Variants in MALRD1 observed in about 807,000 individuals in gnomAD.
The protein encoded by MALRD1 is MAM and LDL receptor class A domain containing 1.
MALRD1 carries 247 observed loss-of-function variants against 242.1 expected under a neutral mutation model. The observed-to-expected ratio is 1.02, with a 90% CI of 0.92 to 1.13. MALRD1 has a LOEUF of 1.13. Ranked by LOEUF, MALRD1 falls within the 50% of genes most tolerant of loss-of-function variation. MALRD1 has a pLI of 0.00. For synonymous variants in MALRD1, 995 were observed against 866.6 expected, an observed-to-expected ratio of 1.15 and a Z score of -2.60; for missense variants, 2,989 against 2,533.1, an observed-to-expected ratio of 1.18 and a Z score of -3.86.
intron 19 of MALRD1, among the ~76,000 whole-genome samples, chr10:19,264,714 A>G (rs1401842118): frequency 6.6e-6 from 1 of 152,096 alleles, no homozygotes; most frequent in Non-Finnish European, 1.5e-5. Flanking sequence ...CGGCCTCTCA[A>G]AGTGCTGGGA....
intron 18 of MALRD1, among the ~76,000 whole-genome samples, chr10:19,210,256 A>T (rs1836991211): frequency 6.6e-6 from 1 of 152,158 alleles, no homozygotes; most frequent in Admixed American, 6.6e-5. Context: ...AGTTTTGTAA[A>T]GGAATTTTAT....
intron 32 of MALRD1, among the ~76,000 whole-genome samples, chr10:19,548,086 C>T (rs1319748857): frequency 4.1e-5 from 6 of 147,500 alleles, no homozygotes; most frequent in Non-Finnish European, 6.0e-5. Flanking sequence ...CTGCAACCTC[C>T]ACCTCCCAGT....
At chr10:19,053,649 AG>A in intron 1 of MALRD1, among the ~76,000 whole-genome samples, 1 of 152,288 alleles carries the variant, frequency 6.6e-6, no homozygotes. Context: ...GCAACTATCA[AG>A]TCTGAAAAGC....
intron 14 of MALRD1, among the ~76,000 whole-genome samples, chr10:19,191,333 A>G (rs1230694587): frequency 6.6e-6 from 1 of 152,176 alleles, no homozygotes; most frequent in Non-Finnish European, 1.5e-5. Context: ...CAAAAAACCA[A>G]TCCAGAAGTT....
chr10:19,541,573 T>G (rs1222634028), intron 32 of MALRD1, among the ~76,000 whole-genome samples: 1 of 152,200 alleles, frequency 6.6e-6, no homozygotes, highest in Non-Finnish European at 1.5e-5. Context: ...TAAGAATAGA[T>G]TCAAGTTTCT....
At chr10:19,303,416 A>T (rs538436156) in intron 21 of MALRD1, among the ~76,000 whole-genome samples, 7 of 151,780 alleles carry the variant, frequency 4.6e-5, no homozygotes, top group South Asian at 4.1e-4. Flanking sequence ...GAAATCACAG[A>T]TATAAATAGA....
rs573218217 is a variant in MALRD1 at position 19,116,353 on chromosome 10, A to G, written c.695-7139A>G. Among the ~76,000 whole-genome samples the G allele has an allele frequency of 2.3e-4, 35 of 152,338 alleles. 1 individual carries two copies. The South Asian group carries it at 5.8e-3, about 25-fold the overall frequency. ...ATTTGTAAAGCCCTCAAATATACCAATCATCCCTTTATTAGAATCTGAATG... is the reference window on the plus strand; with the variant it reads ...ATTTGTAAAGCCCTCAAATATACCAGTCATCCCTTTATTAGAATCTGAATG... On this transcript the variant is annotated intron_variant, in intron 5 of 39. Coordinates refer to ENST00000454679, the MANE Select transcript of MALRD1 (RefSeq NM_001142308.3).
At chr10:19,122,924 C>T (rs964268630) in intron 5 of MALRD1, among the ~76,000 whole-genome samples, 3 of 152,134 alleles carry the variant, frequency 2.0e-5, no homozygotes, top group South Asian at 2.1e-4. Flanking sequence ...CGGGGTTTCA[C>T]CATGTTGGCC....
At chr10:19,188,142 A>G (rs1048224734) in intron 14 of MALRD1, among the ~76,000 whole-genome samples, 2 of 152,148 alleles carry the variant, frequency 1.3e-5, no homozygotes, top group Non-Finnish European at 2.9e-5. Context: ...GAAGACTTGC[A>G]AGATCTGACT....
chr10:19,145,929 C>T lies in MALRD1; in HGVS notation c.1412-269C>T, dbSNP rs1286848020. Among the ~76,000 whole-genome samples, 4 of 152,002 alleles carry T rather than the reference C, an allele frequency of 2.6e-5. No individual in the cohort carries two copies. In the South Asian group the frequency reaches 6.2e-4, roughly 24 times the overall value. On this transcript the variant is annotated intron_variant, in intron 10 of 39. Coordinates refer to ENST00000454679, the MANE Select transcript of MALRD1 (RefSeq NM_001142308.3). ...CTCCCTGAGAAGCTTTGGAGTTCCA[C>T]CTTGCATCATTAAATAAAATGGAGA...
At chr10:19,524,489 A>G (rs2131326779) in intron 31 of MALRD1, among the ~76,000 whole-genome samples, 1 of 152,202 alleles carries the variant, frequency 6.6e-6, no homozygotes, top group Non-Finnish European at 1.5e-5. Context: ...TTGCAGATGC[A>G]CGTTGGAAAT....
chr10:19,241,596 G>T (rs917215953), intron 18 of MALRD1, among the ~76,000 whole-genome samples: 1 of 151,800 alleles, frequency 6.6e-6, no homozygotes, highest in Non-Finnish European at 1.5e-5. Flanking sequence ...TACCAATTTT[G>T]GGATTAGTTT....
chr10:19,671,428 AC>A (rs1284418180), intron 36 of MALRD1, among the ~76,000 whole-genome samples: 2 of 152,098 alleles, frequency 1.3e-5, no homozygotes, highest in Non-Finnish European at 2.9e-5. Context: ...GACCAGCCCG[AC>A]CAACATGGCA....
chr10:19,171,595 TATAA>T (rs1834948783), intron 13 of MALRD1, among the ~76,000 whole-genome samples: 2 of 133,018 alleles, frequency 1.5e-5, no homozygotes, highest in Non-Finnish European at 1.6e-5. Flanking sequence ...TATGTGTGTA[TATAA>T]ATACACACAC....
At chr10:19,385,445 C>G (rs1054930873) in intron 26 of MALRD1, among the ~76,000 whole-genome samples, 20 of 152,060 alleles carry the variant, frequency 1.3e-4, no homozygotes, top group African/African-American at 4.6e-4. Context: ...TTCAGATTTT[C>G]TGTTTCTTAT....
chr10:19,512,178 G>C (rs779790028), intron 31 of MALRD1, among the ~76,000 whole-genome samples: 16 of 152,246 alleles, frequency 1.1e-4, no homozygotes, highest in African/African-American at 3.9e-4. Context: ...CATGAAAAAT[G>C]TGGTTATCAT....
At chr10:19,324,684 A>G (rs1009934595) in intron 22 of MALRD1, among the ~76,000 whole-genome samples, 2 of 151,820 alleles carry the variant, frequency 1.3e-5, no homozygotes, top group African/African-American at 4.8e-5. Context: ...TATTATACCA[A>G]GTTATTTCTT....
At chr10:19,684,488 G>T (rs950825795) in intron 36 of MALRD1, among the ~76,000 whole-genome samples, 4 of 152,172 alleles carry the variant, frequency 2.6e-5, no homozygotes, top group African/African-American at 9.7e-5. Context: ...GGGCATGGTG[G>T]CTCATGCCTG....
chr10:19,531,088 G>A (rs1589206154), intron 31 of MALRD1, 106 bp from the exon 32 acceptor site: 1 of 869,000 alleles, frequency 1.2e-6, no homozygotes. Context: ...CTGTTTGATT[G>A]TGTGTATGTA....
Sources: allele counts gnomAD v4.1 joint callset (sites outside exome capture counted in the v4.1 genomes callset), GRCh38; gene constraint gnomAD v4.1.1; transcripts MANE v1.5; gene names NCBI Gene and HGNC (gene_info 2026-07-23, HGNC 2026-07-21).